Variants in WWOX observed in about 807,000 individuals in gnomAD.
WWOX encodes the protein WW domain containing oxidoreductase, also known as WW domain-containing oxidoreductase.
WWOX carries 69 observed loss-of-function variants against 46.2 expected under a neutral mutation model. The observed-to-expected ratio is 1.49, with a 90% CI of 1.23 to 1.82. WWOX has a LOEUF of 1.82. Among genes scored for constraint, WWOX ranks in the 40% most tolerant of loss-of-function variants. The pLI, the probability that WWOX is intolerant of heterozygous loss-of-function variation, is 0.00. For missense variants in WWOX, 919 were observed against 542.6 expected, an observed-to-expected ratio of 1.69 and a Z score of -6.89; for synonymous variants, 359 against 202.6, an observed-to-expected ratio of 1.77 and a Z score of -6.56.
intron 4 of WWOX, among the ~76,000 whole-genome samples, chr16:78,132,185 C>T (rs960507203): frequency 9.2e-5 from 14 of 151,804 alleles, no homozygotes; most frequent in South Asian, 6.3e-4. Context: ...CCACCACGCC[C>T]GGCTAATTTT....
intron 8 of WWOX, chr16:78,551,173 G>A (rs546909593): frequency 6.6e-6 from 1 of 152,166 alleles, no homozygotes; most frequent in East Asian, 1.9e-4. Context: ...TTTATTCCAT[G>A]AAACAAATAT....
chr16:79,085,634 G>A (rs765679016), intron 8 of WWOX, among the ~76,000 whole-genome samples: 2 of 152,104 alleles, frequency 1.3e-5, no homozygotes, highest in Admixed American at 6.5e-5. Context: ...TCTCTATTTT[G>A]TTTTCAAAAT....
intron 5 of WWOX, among the ~76,000 whole-genome samples, chr16:78,198,268 G>T (rs1711670361): frequency 1.3e-5 from 2 of 152,058 alleles, no homozygotes; most frequent in Admixed American, 1.3e-4. Context: ...AGAAGATCCT[G>T]GGAACTGGAT....
chr16:78,156,853 G>A (rs1192718260), intron 4 of WWOX, among the ~76,000 whole-genome samples: 1 of 152,140 alleles, frequency 6.6e-6, no homozygotes, highest in African/African-American at 2.4e-5. Context: ...GAATCCCTGC[G>A]GTGGAGGTTC....
chr16:79,193,410 C>T (rs1244823668), intron 8 of WWOX, among the ~76,000 whole-genome samples: 3 of 152,188 alleles, frequency 2.0e-5, no homozygotes, highest in Non-Finnish European at 4.4e-5. Context: ...TTATGCCTCA[C>T]TGAAACTTGA....
At chr16:78,653,006 C>G (rs981183191) in intron 8 of WWOX, among the ~76,000 whole-genome samples, 1 of 152,010 alleles carries the variant, frequency 6.6e-6, no homozygotes, top group Non-Finnish European at 1.5e-5. Flanking sequence ...AATTTAGAAA[C>G]TTGGACAGAG....
chr16:78,326,566 G>GCC (rs1388904234), intron 5 of WWOX, among the ~76,000 whole-genome samples: 30 of 22,694 alleles, frequency 1.3e-3, no homozygotes, highest in African/African-American at 5.0e-3. Flanking sequence ...ATTTCTGCCT[G>GCC]CCCTCCCCCC....
intron 5 of WWOX, among the ~76,000 whole-genome samples, chr16:78,376,479 T>C (rs924030486): frequency 6.6e-6 from 1 of 152,210 alleles, no homozygotes; most frequent in African/African-American, 2.4e-5. Context: ...TATCAACTTC[T>C]GTATTATTTG....
rs150779624 is a variant in WWOX, at chr16:78,597,146, C to T, written c.1056+164394C>T. ...GACCTATTGCTTTGTTTATTTTAGC[C>T]GGTGCCTTTGTAGAGGGAAAACAGC... is the stretch of plus-strand genomic sequence containing the variant. On this transcript the variant is annotated intron_variant, in intron 8 of 8. Transcript: ENST00000566780. Among the ~76,000 whole-genome samples, 1,262 of 152,228 alleles carry T rather than the reference C, an allele frequency of 8.3e-3. 23 individuals are homozygous for T. The highest frequency in any genetic ancestry group is 0.029 in the African/African-American group (1,219 of 41,534).
chr16:78,380,383 T>C (rs139671736), intron 5 of WWOX, among the ~76,000 whole-genome samples: 14 of 152,244 alleles, frequency 9.2e-5, no homozygotes, highest in Middle Eastern at 3.4e-3. Flanking sequence ...ATCTGTGAAA[T>C]AGGTGGATAA....
chr16:78,921,121 C>G (rs573187003), intron 8 of WWOX, among the ~76,000 whole-genome samples: 2 of 152,058 alleles, frequency 1.3e-5, no homozygotes, highest in Non-Finnish European at 2.9e-5. Context: ...TTCTTGACAT[C>G]TTTTTGAAGA....
chr16:79,058,120 A>AAAG (rs2048297237), intron 8 of WWOX, among the ~76,000 whole-genome samples: 1 of 75,818 alleles, frequency 1.3e-5, no homozygotes, highest in Non-Finnish European at 2.4e-5. Context: ...AAAAAAAAAA[A>AAAG]CAAACAAACA....
intron 8 of WWOX, among the ~76,000 whole-genome samples, chr16:79,002,940 C>G (rs1174506313): frequency 1.3e-5 from 2 of 152,178 alleles, no homozygotes; most frequent in African/African-American, 4.8e-5. Flanking sequence ...GCTCAAAAAT[C>G]TATGCTGTTT....
chr16:78,963,121 C>G (rs2046302575), intron 8 of WWOX, among the ~76,000 whole-genome samples: 1 of 152,180 alleles, frequency 6.6e-6, no homozygotes, highest in Non-Finnish European at 1.5e-5. Flanking sequence ...ATTTGCATCT[C>G]TATCCATTTA....
intron 8 of WWOX, among the ~76,000 whole-genome samples, chr16:78,587,897 G>C (rs536601191): frequency 6.6e-6 from 1 of 152,176 alleles, no homozygotes; most frequent in Non-Finnish European, 1.5e-5. Context: ...TTTTCTGCAT[G>C]TTTACTTATG....
At chr16:78,789,809 C>T (rs773065350) in intron 8 of WWOX, among the ~76,000 whole-genome samples, 10 of 152,166 alleles carry the variant, frequency 6.6e-5, no homozygotes, top group Non-Finnish European at 1.2e-4. Flanking sequence ...TCCAGTTTTT[C>T]CCCCTCCAGC....
intron 5 of WWOX, among the ~76,000 whole-genome samples, chr16:78,315,790 G>A (rs1353373051): frequency 6.6e-6 from 1 of 151,970 alleles, no homozygotes; most frequent in Non-Finnish European, 1.5e-5. Flanking sequence ...TTTCAGATGG[G>A]TAACTCAGGT....
intron 8 of WWOX, chr16:78,553,104 C>G (rs976489413): frequency 1.3e-5 from 2 of 152,082 alleles, no homozygotes; most frequent in Non-Finnish European, 2.9e-5. Flanking sequence ...GGGAGGGAAA[C>G]AACACACACT....
chr16:78,628,648 G>T (rs1230381853), intron 8 of WWOX, among the ~76,000 whole-genome samples: 1 of 151,936 alleles, frequency 6.6e-6, no homozygotes, highest in Non-Finnish European at 1.5e-5. Flanking sequence ...CTCTTTGTCT[G>T]GAACTTTGCA....
Sources: gnomAD v4.1 joint callset for allele counts (sites outside exome capture counted in the v4.1 genomes callset) on GRCh38, gnomAD v4.1.1 for gene constraint, MANE v1.5 for transcripts, NCBI Gene and HGNC (gene_info 2026-07-23, HGNC 2026-07-21) for gene names.